The following ABCC12 variants were observed in gnomAD, a reference collection of about 807,000 sequenced individuals.
ABCC12 encodes the protein ATP-binding cassette sub-family C member 12.
ABCC12 carries 142 observed loss-of-function variants against 151.1 expected under a neutral mutation model. The observed-to-expected ratio is 0.94, with a 90% CI of 0.82 to 1.08. The LOEUF is 1.08. Among genes scored for constraint, ABCC12 ranks in the 50% least tolerant of loss-of-function variants. ABCC12 has a pLI of 0.00. For synonymous variants in ABCC12, 645 were observed against 646.4 expected (o/e 1.00, Z 0.03); for missense variants, 1,638 against 1,691.1 (o/e 0.97, Z 0.55).
intron 2 of ABCC12, among the ~76,000 whole-genome samples, chr16:48,147,141 G>A (rs1185996729): frequency 2.0e-5 from 3 of 152,102 alleles, no homozygotes; most frequent in Non-Finnish European, 4.4e-5. Flanking sequence ...TTCTGTGACT[G>A]CTGCCCCAAA....
chr16:48,141,980 A>C (rs1433321760), intron 4 of ABCC12, among the ~76,000 whole-genome samples: 7 of 152,216 alleles, frequency 4.6e-5, no homozygotes, highest in African/African-American at 1.7e-4. Flanking sequence ...CCACAGCAGG[A>C]GATTGTCAGC....
At chr16:48,112,004 G>T (rs1449492877) in intron 15 of ABCC12, 94 bp from the exon 16 acceptor site, 5 of 1,466,838 alleles carry the variant, frequency 3.4e-6, no homozygotes, top group South Asian at 1.3e-5. Context: ...GTTGACTTTA[G>T]GGGCCAGATC....
Position 48,124,160 on chromosome 16 carries a change from AT to A in ABCC12, c.1587+52del. 1.9e-6 allele frequency: 3 copies of A among 1,580,860 alleles called. No homozygotes were observed. The South Asian group carries it at 3.3e-5, about 17-fold the overall frequency. On this transcript the variant is annotated intron_variant, in intron 12 of 30. Coordinates refer to ENST00000311303, the MANE Select transcript of ABCC12 (RefSeq NM_001393797.1). The stretch of plus-strand genomic sequence containing the variant: ...GTCCACGCCTGACCGGAAGGGAGCC[AT>A]TTCATTGTCATGTTAATGTTCCATC...
intron 2 of ABCC12, chr16:48,146,816 A>T (rs939715812): frequency 9.3e-6 from 2 of 214,246 alleles, no homozygotes; most frequent in Non-Finnish European, 9.4e-6. Context: ...GGGTTTTCTT[A>T]GTATTACTCA....
chr16:48,098,300 A>C (rs1397452333), intron 23 of ABCC12, among the ~76,000 whole-genome samples: 15 of 152,132 alleles, frequency 9.9e-5, no homozygotes, highest in Non-Finnish European at 2.2e-4. Flanking sequence ...GGGCTTCATG[A>C]GAACAGCTGG....
intron 18 of ABCC12, among the ~76,000 whole-genome samples, chr16:48,108,996 C>G (rs1030939645): frequency 6.6e-6 from 1 of 152,160 alleles, no homozygotes; most frequent in African/African-American, 2.4e-5. Context: ...TGAGAGGGAT[C>G]TGGGATTTTT....
At chr16:48,100,722 C>T (rs1963273721) in intron 23 of ABCC12, 150 bp downstream of exon 23, 1 of 896,576 alleles carries the variant, frequency 1.1e-6, no homozygotes, top group African/African-American at 1.7e-5. Context: ...GGCTGTGAGG[C>T]CAAGTGTCTT....
At chr16:48,105,446 G>C (rs753613030) in intron 20 of ABCC12, 110 bp from the exon 21 acceptor site, 81 of 1,135,398 alleles carry the variant, frequency 7.1e-5, no homozygotes, top group Non-Finnish European at 9.8e-5. Flanking sequence ...AAGCACATGA[G>C]TGTTTTGAAT....
At chr16:48,104,585 C>T (rs1224797297) in intron 21 of ABCC12, among the ~76,000 whole-genome samples, 2 of 152,114 alleles carry the variant, frequency 1.3e-5, no homozygotes, top group South Asian at 2.1e-4. Flanking sequence ...GTGGAAGTCC[C>T]GAGAGACCCC....
intron 18 of ABCC12, 152 bp downstream of exon 18, chr16:48,111,284 G>C: frequency 1.1e-6 from 1 of 873,558 alleles, no homozygotes; most frequent in South Asian, 1.8e-5. Context: ...TTTGGACTTA[G>C]GCAGTGGAAC....
At chr16:48,116,619 C>T (rs1475473725) in intron 14 of ABCC12, among the ~76,000 whole-genome samples, 1 of 152,126 alleles carries the variant, frequency 6.6e-6, no homozygotes, top group Non-Finnish European at 1.5e-5. Flanking sequence ...GCCAGGAAGG[C>T]TTCACGGCCA....
rs542198071 is a variant in ABCC12 at position 48,122,520 on chromosome 16, A to G, written c.1588-680T>C. 1.3e-4 allele frequency among the ~76,000 whole-genome samples: 20 copies of G among 152,304 alleles called. No homozygotes were observed. In the South Asian group the frequency reaches 3.9e-3, roughly 30 times the overall value. Reference sequence around the variant, plus strand: ...CCTCATCGTGGGCATCCAATAGACAATGGTAGACAGCGGGGATGCAACGTT... The same window carrying G: ...CCTCATCGTGGGCATCCAATAGACAGTGGTAGACAGCGGGGATGCAACGTT... On this transcript the variant is annotated intron_variant, in intron 12 of 30. Coordinates refer to ENST00000311303, the MANE Select transcript of ABCC12 (RefSeq NM_001393797.1).
intron 4 of ABCC12, among the ~76,000 whole-genome samples, chr16:48,142,777 C>A (rs1964861544): frequency 6.6e-6 from 1 of 152,196 alleles, no homozygotes; most frequent in Non-Finnish European, 1.5e-5. Context: ...CTGAAAAGAG[C>A]AACATGATCA....
chr16:48,085,547 G>C (rs780968232), intron 29 of ABCC12, 46 bp downstream of exon 29: 1 of 1,556,294 alleles, frequency 6.4e-7, no homozygotes, highest in Non-Finnish European at 8.9e-7. Context: ...GTGGCGCTGC[G>C]GGAAATATCC....
intron 24 of ABCC12, 29 bp downstream of exon 24, chr16:48,096,717 A>T: frequency 6.2e-7 from 1 of 1,613,028 alleles, no homozygotes; most frequent in Non-Finnish European, 8.5e-7. Flanking sequence ...GAGCCTCCAG[A>T]CTAAGCCCAA....
At chr16:48,104,095 A>AGT (rs750745683) in intron 22 of ABCC12, 47 bp downstream of exon 22, 9 of 1,531,870 alleles carry the variant, frequency 5.9e-6, no homozygotes, top group Non-Finnish European at 7.2e-6. Context: ...ATACCCAGTC[A>AGT]GTGTGTGTGT....
chr16:48,133,578 T>G, intron 9 of ABCC12, 109 bp downstream of exon 9: 10 of 1,265,626 alleles, frequency 7.9e-6, no homozygotes, highest in East Asian at 5.0e-5. Flanking sequence ...TGGCCTGCCA[T>G]GATTGGATGT....
At chr16:48,111,699 G>A (rs1252604756) in intron 16 of ABCC12, 37 bp from the exon 17 acceptor site, 2 of 1,613,954 alleles carry the variant, frequency 1.2e-6, no homozygotes, top group African/African-American at 2.7e-5. Flanking sequence ...AATGCTAAGT[G>A]ACAGGACCTC....
chr16:48,084,651 T>C (rs1166791936), intron 29 of ABCC12, among the ~76,000 whole-genome samples: 2 of 152,302 alleles, frequency 1.3e-5, no homozygotes, highest in African/African-American at 2.4e-5. Flanking sequence ...GCCTCCTCCT[T>C]GGAAAGCCCC....
Sources: gnomAD v4.1 joint callset for allele counts (sites outside exome capture counted in the v4.1 genomes callset) on GRCh38, gnomAD v4.1.1 for gene constraint, MANE v1.5 for transcripts, NCBI Gene and HGNC (gene_info 2026-07-23, HGNC 2026-07-21) for gene names.